The following SWT1 variants were observed in gnomAD, a reference collection of about 807,000 sequenced individuals.
The protein encoded by SWT1 is SWT1 RNA endoribonuclease homolog, also known as transcriptional protein SWT1.
SWT1 carries 33 observed loss-of-function variants against 107.3 expected under a neutral mutation model. That is an observed-to-expected ratio of 0.31 (90% CI 0.23 to 0.41). The LOEUF (loss-of-function observed/expected upper bound fraction) is 0.41. SWT1 is among the 10% of genes least tolerant of loss of function. The pLI is 1.00. For missense variants in SWT1, 898 were observed against 1,028.9 expected, an observed-to-expected ratio of 0.87 and a Z score of 1.74; for synonymous variants, 345 against 348.3, an observed-to-expected ratio of 0.99 and a Z score of 0.11.
intron 9 of SWT1, among the ~76,000 whole-genome samples, chr1:185,189,726 T>C (rs1656782864): frequency 6.6e-6 from 1 of 152,084 alleles, no homozygotes; most frequent in Admixed American, 6.6e-5. Flanking sequence ...ATGTAAATTC[T>C]AGATTCAGAG....
At chr1:185,221,050 G>C (rs1571541381) in intron 14 of SWT1, among the ~76,000 whole-genome samples, 1 of 149,750 alleles carries the variant, frequency 6.7e-6, no homozygotes, top group East Asian at 2.0e-4. Flanking sequence ...CGTGCACACA[G>C]ACACACACAC....
chr1:185,228,167 G>GTATATATA (rs1157576166), intron 15 of SWT1, among the ~76,000 whole-genome samples: 8 of 61,568 alleles, frequency 1.3e-4, no homozygotes, highest in African/African-American at 8.7e-4. Flanking sequence ...AAAAAAAAAT[G>GTATATATA]TGTATATATA....
At chr1:185,177,777 C>T (rs1655689275) in intron 5 of SWT1, among the ~76,000 whole-genome samples, 1 of 151,390 alleles carries the variant, frequency 6.6e-6, no homozygotes, top group African/African-American at 2.4e-5. Context: ...TGATATAGAC[C>T]CCTCTCAAAT....
At chr1:185,160,626 C>T (rs1258174174) in intron 1 of SWT1, among the ~76,000 whole-genome samples, 5 of 151,920 alleles carry the variant, frequency 3.3e-5, no homozygotes, top group East Asian at 1.9e-4. Flanking sequence ...TGCTTGAACC[C>T]GGTAGGCAGA....
At chr1:185,193,017 A>G (rs1657086893) in intron 10 of SWT1, among the ~76,000 whole-genome samples, 1 of 152,056 alleles carries the variant, frequency 6.6e-6, no homozygotes, top group Non-Finnish European at 1.5e-5. Flanking sequence ...TAGATCACTT[A>G]TTTGGTACCG....
At chr1:185,183,192 C>T (rs1038955978) in intron 7 of SWT1, among the ~76,000 whole-genome samples, 2 of 151,012 alleles carry the variant, frequency 1.3e-5, no homozygotes, top group African/African-American at 2.4e-5. Flanking sequence ...TTTCATCTTT[C>T]AAGTGTTTTC....
intron 18 of SWT1, among the ~76,000 whole-genome samples, chr1:185,286,445 C>T (rs553229322): frequency 9.2e-5 from 14 of 152,138 alleles, no homozygotes; most frequent in Admixed American, 4.6e-4. Flanking sequence ...AGGCTGGTCT[C>T]GAACTCCTGA....
intron 16 of SWT1, among the ~76,000 whole-genome samples, chr1:185,258,961 A>T (rs901687459): frequency 4.6e-5 from 7 of 152,072 alleles, no homozygotes; most frequent in Admixed American, 3.9e-4. Context: ...TCTATCAGCC[A>T]TATCTCTTGA....
At chr1:185,206,791 C>A in intron 13 of SWT1, 28 bp downstream of exon 13, 1 of 1,531,578 alleles carries the variant, frequency 6.5e-7, no homozygotes, top group South Asian at 1.2e-5. Context: ...TTCTCTTTAG[C>A]AGTGTTGTAT....
intron 17 of SWT1, among the ~76,000 whole-genome samples, chr1:185,272,674 T>C (rs1275060024): frequency 6.6e-6 from 1 of 152,196 alleles, no homozygotes; most frequent in African/African-American, 2.4e-5. Context: ...AGTAGGTAAA[T>C]TATTTGTATT....
chr1:185,280,904 G>A, intron 18 of SWT1: 1 of 478,020 alleles, frequency 2.1e-6, no homozygotes, highest in South Asian at 1.6e-5. Flanking sequence ...CAGTGTGGTG[G>A]ATCACTTCAG....
intron 10 of SWT1, among the ~76,000 whole-genome samples, chr1:185,193,801 G>C (rs1273410731): frequency 6.6e-6 from 1 of 152,182 alleles, no homozygotes; most frequent in Non-Finnish European, 1.5e-5. Flanking sequence ...TGTGAAAGGA[G>C]TATTGAAGTC....
At position 185,214,536 on chromosome 1, in the gene SWT1, A is replaced by G. The variant is rs1415992809; in HGVS notation, c.2002A>G (p.Lys668Glu). ...TAAGGCAGTGGATTTTACAACAGTC[A>G]AATTCTTGCTTCAGGATTCTAGAAG... The part of the protein sequence containing the change: ...ANKAVDFTTV[K>E]FLLQDSRSLL... Residue 668 changes from lysine (K) to glutamate (E), a missense_variant, in exon 14 of 19, where the codon AAA becomes GAA. Coordinates refer to ENST00000367500, the MANE Select transcript of SWT1 (RefSeq NM_017673.7). The G allele has an allele frequency of 1.9e-6, 3 of 1,610,426 alleles. No individual in the cohort carries two copies. The highest frequency in any genetic ancestry group is 2.5e-6 in the Non-Finnish European group (3 of 1,178,630).
intron 14 of SWT1, among the ~76,000 whole-genome samples, chr1:185,219,477 A>T (rs566137436): frequency 7.2e-5 from 11 of 152,332 alleles, no homozygotes; most frequent in Admixed American, 7.2e-4. Context: ...ATTTAAAAAA[A>T]TTTTAATATG....
intron 14 of SWT1, among the ~76,000 whole-genome samples, chr1:185,219,863 T>C (rs1264349262): frequency 6.6e-6 from 1 of 152,026 alleles, no homozygotes; most frequent in African/African-American, 2.4e-5. Flanking sequence ...TGGCCAGGCA[T>C]GGTGGCTTAT....
chr1:185,282,035 T>G (rs1359294317), intron 18 of SWT1, among the ~76,000 whole-genome samples: 2 of 152,178 alleles, frequency 1.3e-5, no homozygotes, highest in Non-Finnish European at 2.9e-5. Context: ...GAGTTGAGGA[T>G]GTAATAGTCA....
At chr1:185,166,207 G>A (rs893284495) in intron 2 of SWT1, among the ~76,000 whole-genome samples, 1 of 152,144 alleles carries the variant, frequency 6.6e-6, no homozygotes, top group Non-Finnish European at 1.5e-5. Flanking sequence ...AAACAAGTTT[G>A]TCCTAGGTCT....
intron 17 of SWT1, 45 bp from the exon 18 acceptor site, chr1:185,276,559 C>G: frequency 8.5e-7 from 1 of 1,176,312 alleles, no homozygotes; most frequent in South Asian, 1.5e-5. Context: ...TGTCATCACT[C>G]ACTTTAATAT....
chr1:185,287,522 T>C (rs1222841050), intron 18 of SWT1, among the ~76,000 whole-genome samples: 1 of 152,160 alleles, frequency 6.6e-6, no homozygotes, highest in Admixed American at 6.6e-5. Flanking sequence ...TCAGGTCAGA[T>C]AGATGGTTTT....
Sources: gnomAD v4.1 joint callset for allele counts (sites outside exome capture counted in the v4.1 genomes callset) on GRCh38, gnomAD v4.1.1 for gene constraint, MANE v1.5 for transcripts, NCBI Gene and HGNC (gene_info 2026-07-23, HGNC 2026-07-21) for gene names.